Variants in PDE3A observed in about 807,000 individuals in gnomAD.
The protein encoded by PDE3A is cGMP-inhibited 3',5'-cyclic phosphodiesterase 3A.
A neutral mutation model predicts 98.3 loss-of-function variants in PDE3A; 43 were observed. That is an observed-to-expected ratio of 0.44 (90% CI 0.34 to 0.56). PDE3A has a LOEUF of 0.56. Ranked by LOEUF, PDE3A falls within the 20% of genes least tolerant of loss-of-function variation. The pLI is 0.01. For missense variants in PDE3A, 1,427 were observed against 1,440.7 expected (o/e 0.99, Z 0.15); for synonymous variants, 663 against 567.9 (o/e 1.17, Z -2.38).
chr12:20,464,070 T>C (rs1945299404), intron 1 of PDE3A, among the ~76,000 whole-genome samples: 1 of 152,200 alleles, frequency 6.6e-6, no homozygotes, highest in African/African-American at 2.4e-5. Flanking sequence ...CTAATGATAC[T>C]GTTAGGCTCA....
At chr12:20,605,158 G>T (rs925980972) in intron 2 of PDE3A, among the ~76,000 whole-genome samples, 3 of 152,140 alleles carry the variant, frequency 2.0e-5, no homozygotes, top group South Asian at 2.1e-4. Context: ...TATTTTGTTA[G>T]TCTATGTAAT....
At chr12:20,662,649 C>T (rs913072323) in intron 15 of PDE3A, among the ~76,000 whole-genome samples, 2 of 152,128 alleles carry the variant, frequency 1.3e-5, no homozygotes, top group Admixed American at 1.3e-4. Flanking sequence ...CAGCAAAGCA[C>T]TCAAGAGGTG....
chr12:20,627,108 G>A (rs1429493131), intron 5 of PDE3A, among the ~76,000 whole-genome samples: 1 of 145,688 alleles, frequency 6.9e-6, no homozygotes, highest in Non-Finnish European at 1.5e-5. Context: ...AGACAGAAAT[G>A]GACAATGTTC....
chr12:20,607,290 A>C (rs1340702853), intron 2 of PDE3A, among the ~76,000 whole-genome samples: 1 of 151,904 alleles, frequency 6.6e-6, no homozygotes, highest in Admixed American at 6.6e-5. Context: ...AATACAAAAA[A>C]ATTAGGCATG....
chr12:20,519,373 G>T (rs1946380612), intron 1 of PDE3A, among the ~76,000 whole-genome samples: 1 of 152,072 alleles, frequency 6.6e-6, no homozygotes, highest in African/African-American at 2.4e-5. Flanking sequence ...TCACTTTTAT[G>T]TCTACAATGC....
At chr12:20,517,493 G>A (rs1467593853) in intron 1 of PDE3A, among the ~76,000 whole-genome samples, 1 of 152,102 alleles carries the variant, frequency 6.6e-6, no homozygotes, top group Non-Finnish European at 1.5e-5. Flanking sequence ...TGTATAATGG[G>A]CACCATGATG....
intron 1 of PDE3A, among the ~76,000 whole-genome samples, chr12:20,393,589 T>C (rs1459799073): frequency 6.6e-6 from 1 of 152,022 alleles, no homozygotes; most frequent in Non-Finnish European, 1.5e-5. Flanking sequence ...TGTATACATA[T>C]ATCCAAACGT....
chr12:20,533,948 C>T (rs573623325), intron 1 of PDE3A, among the ~76,000 whole-genome samples: 2 of 152,136 alleles, frequency 1.3e-5, no homozygotes, highest in African/African-American at 2.4e-5. Flanking sequence ...ACAGGTCATC[C>T]GTGCGCCCGT....
intron 3 of PDE3A, among the ~76,000 whole-genome samples, chr12:20,615,016 C>CTTTTTTTTTTTTTTTTTTTTTTTT (rs11313010): frequency 5.1e-5 from 3 of 59,128 alleles, no homozygotes; most frequent in African/African-American, 1.2e-4. Context: ...TTCTCTCTTT[C>CTTTTTTTTTTTTTTTTTTTTTTTT]TTTTTTTTTT....
chr12:20,657,476 G>T (rs1293917594), intron 15 of PDE3A, among the ~76,000 whole-genome samples: 1 of 152,140 alleles, frequency 6.6e-6, no homozygotes, highest in African/African-American at 2.4e-5. Context: ...GATGTCCCAG[G>T]AAACAGAATA....
intron 2 of PDE3A, chr12:20,572,032 G>A (rs1942812423): frequency 1.8e-6 from 2 of 1,118,138 alleles, no homozygotes; most frequent in South Asian, 4.1e-5. Context: ...GATAGCTGGA[G>A]TTGCAATCAG....
At chr12:20,647,828 T>C (rs565331201) in intron 12 of PDE3A, among the ~76,000 whole-genome samples, 2 of 152,074 alleles carry the variant, frequency 1.3e-5, no homozygotes, top group Non-Finnish European at 2.9e-5. Flanking sequence ...GAATTATTTT[T>C]TCTAAATATA....
chr12:20,406,621 G>A (rs752542377), intron 1 of PDE3A, among the ~76,000 whole-genome samples: 30 of 152,234 alleles, frequency 2.0e-4, no homozygotes, highest in Admixed American at 3.9e-4. Flanking sequence ...CTTATTGGGT[G>A]TATGATGTGC....
rs1360549955 is a variant in PDE3A, at chr12:20,682,099, C to T, written c.*1828C>T. 1.3e-5 allele frequency: 2 copies of T among 152,184 alleles called. No individual in the cohort carries two copies. Among genetic ancestry groups the T allele is most frequent in the Non-Finnish European group, 2.9e-5 (2 of 68,018 alleles). The allele number at this position is 152,184 out of a possible 1,614,324, so 9.4% of individuals were successfully genotyped here. On this transcript the variant is annotated 3_prime_UTR_variant, in exon 16 of 16. Coordinates refer to ENST00000359062, the MANE Select transcript of PDE3A (RefSeq NM_000921.5). ...TTTTATTGCCAGTTAAATGAGGATG[C>T]TGCAAAGCATGTTTTTTCACTAGTA...
intron 1 of PDE3A, among the ~76,000 whole-genome samples, 189 bp downstream of exon 1, chr12:20,370,433 C>T (rs1378851281): frequency 6.9e-6 from 1 of 144,720 alleles, no homozygotes; most frequent in African/African-American, 2.6e-5. Flanking sequence ...GTTTTTTTGC[C>T]CTCTCTTTCA....
chr12:20,613,796 C>T, intron 3 of PDE3A, 96 bp downstream of exon 3: 1 of 879,964 alleles, frequency 1.1e-6, no homozygotes, highest in East Asian at 2.5e-5. Flanking sequence ...TCTGCAGATT[C>T]ATATCAGTGA....
intron 14 of PDE3A, among the ~76,000 whole-genome samples, chr12:20,652,350 T>C (rs1215220856): frequency 2.0e-4 from 30 of 151,428 alleles, no homozygotes; most frequent in Non-Finnish European, 3.0e-4. Flanking sequence ...CCACACTGAC[T>C]TCCACAGTTG....
At chr12:20,455,283 TCTTTGC>T (rs1213379640) in intron 1 of PDE3A, among the ~76,000 whole-genome samples, 2 of 152,160 alleles carry the variant, frequency 1.3e-5, no homozygotes, top group Admixed American at 1.3e-4. Context: ...TTGTTCATGT[TCTTTGC>T]CCACTTTTTA....
At chr12:20,511,485 A>G (rs754145237) in intron 1 of PDE3A, among the ~76,000 whole-genome samples, 15 of 151,866 alleles carry the variant, frequency 9.9e-5, no homozygotes, top group Non-Finnish European at 1.5e-4. Context: ...TGGACACAGG[A>G]GCCAACTGAA....
Sources: allele counts gnomAD v4.1 joint callset (sites outside exome capture counted in the v4.1 genomes callset), GRCh38; gene constraint gnomAD v4.1.1; transcripts MANE v1.5; gene names NCBI Gene and HGNC (gene_info 2026-07-23, HGNC 2026-07-21).